The following HMGN3 variants were observed in gnomAD, a reference collection of about 807,000 sequenced individuals.
HMGN3 encodes high mobility group nucleosome-binding domain-containing protein 3.
In HMGN3, 6 loss-of-function variants were observed where a neutral mutation model predicts 18.8. That is an observed-to-expected ratio of 0.32 (90% CI 0.18 to 0.63). The LOEUF is 0.63. Among genes scored for constraint, HMGN3 ranks in the 30% least tolerant of loss-of-function variants. The pLI, the probability that HMGN3 is intolerant of heterozygous loss-of-function variation, is 0.79. For synonymous variants in HMGN3, 40 were observed against 36.5 expected, an observed-to-expected ratio of 1.10 and a Z score of -0.35; for missense variants, 107 against 114.2, an observed-to-expected ratio of 0.94 and a Z score of 0.29.
At chr6:79,201,620 T>C (rs1413098093) in exon 6 of HMGN3, 4 of 1,076,600 alleles carry the variant, frequency 3.7e-6, no homozygotes, top group Non-Finnish European at 5.6e-6. Flanking sequence ...ACAAAATACT[T>C]GGTAAAAATA....
intron 1 of HMGN3, among the ~76,000 whole-genome samples, chr6:79,225,210 T>TTCCA (rs1248977637): frequency 1.1e-4 from 16 of 152,080 alleles, no homozygotes; most frequent in Non-Finnish European, 1.3e-4. Context: ...ATCCCACAGT[T>TTCCA]TCCACCTAAG....
chr6:79,228,429 A>C (rs920189490), intron 1 of HMGN3, among the ~76,000 whole-genome samples: 1 of 152,188 alleles, frequency 6.6e-6, no homozygotes, highest in Non-Finnish European at 1.5e-5. Context: ...TATTTAACTC[A>C]ATCAAATGGA....
chr6:79,215,130 T>C, intron 1 of HMGN3, 108 bp from the exon 2 acceptor site: 1 of 690,336 alleles, frequency 1.4e-6, no homozygotes, highest in East Asian at 2.7e-5. Context: ...CCAACAGATT[T>C]TTTTGCAAAG....
At chr6:79,221,178 T>A (rs940227517) in intron 1 of HMGN3, among the ~76,000 whole-genome samples, 4 of 152,232 alleles carry the variant, frequency 2.6e-5, no homozygotes, top group African/African-American at 7.2e-5. Context: ...CTCACAGCAT[T>A]TTTTCTATTT....
intron 2 of HMGN3, 97 bp downstream of exon 2, chr6:79,214,875 T>G (rs1355133624): frequency 5.4e-6 from 4 of 739,372 alleles, no homozygotes; most frequent in Non-Finnish European, 6.9e-6. Flanking sequence ...ACTTTGTTCA[T>G]ACAATTGTCC....
chr6:79,216,446 A>G (rs1305467355), intron 1 of HMGN3, among the ~76,000 whole-genome samples: 1 of 152,214 alleles, frequency 6.6e-6, no homozygotes, highest in Non-Finnish European at 1.5e-5. Context: ...CTAAGTATAT[A>G]TAAAAGTCTT....
At chr6:79,207,327 A>T (rs561034085) in intron 3 of HMGN3, among the ~76,000 whole-genome samples, 3 of 152,064 alleles carry the variant, frequency 2.0e-5, no homozygotes, top group Non-Finnish European at 4.4e-5. Flanking sequence ...ACCTGGTGGG[A>T]TGTGATTGAA....
At chr6:79,203,481 G>A (rs943795870) in intron 4 of HMGN3, 99 bp downstream of exon 4, 4 of 1,038,758 alleles carry the variant, frequency 3.9e-6, no homozygotes, top group Non-Finnish European at 6.0e-6. Context: ...GTTTCAGTTT[G>A]GATCATTAAA....
intron 2 of HMGN3, among the ~76,000 whole-genome samples, chr6:79,209,851 G>C (rs1359866794): frequency 2.0e-5 from 3 of 152,132 alleles, no homozygotes; most frequent in Admixed American, 1.3e-4. Flanking sequence ...GGAAACGAAG[G>C]GCCAGAGCCT....
chr6:79,203,634 C>G lies in HMGN3; in HGVS notation c.97-4G>C. 1.3e-6 allele frequency: 2 copies of G among 1,584,660 alleles called. No individual in the cohort carries two copies. Among genetic ancestry groups the G allele is most frequent in the Non-Finnish European group, 1.7e-6 (2 of 1,161,492 alleles). ...CAGGTTTTGGTGGAGCAGGTTTCTG[C>G]AAAGATAATTTAAATTACACAAATA... On this transcript the variant is annotated splice_polypyrimidine_tract_variant and splice_region_variant and intron_variant, in intron 3 of 5. Coordinates refer to ENST00000344726, the Ensembl canonical transcript of HMGN3.
At position 79,218,610 on chromosome 6, in the gene HMGN3, T is replaced by C. The variant is rs372972228; in HGVS notation, c.16-3588A>G. ...AAAATACAAATACAAGAAAAGTCTA[T>C]AAAGAAAAGCATAACAAATGATAAC... is the stretch of plus-strand genomic sequence containing the variant. On this transcript the variant is annotated intron_variant, in intron 1 of 5. Coordinates refer to ENST00000344726, the Ensembl canonical transcript of HMGN3. Among the ~76,000 whole-genome samples, 7 of 151,986 alleles carry C rather than the reference T, an allele frequency of 4.6e-5. No homozygotes were observed. In the East Asian group the frequency reaches 7.7e-4, roughly 17 times the overall value.
intron 3 of HMGN3, among the ~76,000 whole-genome samples, chr6:79,204,070 G>T (rs1398549811): frequency 6.6e-6 from 1 of 152,190 alleles, no homozygotes; most frequent in Non-Finnish European, 1.5e-5. Flanking sequence ...TGGTAATGAA[G>T]ACTGCTGCCT....
intron 2 of HMGN3, among the ~76,000 whole-genome samples, chr6:79,212,601 G>A (rs1776753957): frequency 6.6e-6 from 1 of 152,144 alleles, no homozygotes; most frequent in African/African-American, 2.4e-5. Flanking sequence ...ACAAAATAAT[G>A]GATGTAAAAG....
chr6:79,206,582 G>A (rs1776430962), intron 3 of HMGN3, among the ~76,000 whole-genome samples: 1 of 152,246 alleles, frequency 6.6e-6, no homozygotes, highest in South Asian at 2.1e-4. Context: ...GGATGCCCAG[G>A]CAGACGTTGT....
At chr6:79,215,727 A>G (rs1343261950) in intron 1 of HMGN3, among the ~76,000 whole-genome samples, 1 of 152,204 alleles carries the variant, frequency 6.6e-6, no homozygotes, top group Non-Finnish European at 1.5e-5. Context: ...AACATATCTT[A>G]TATTTTCTTT....
At chr6:79,214,326 C>T (rs757241820) in intron 2 of HMGN3, among the ~76,000 whole-genome samples, 4 of 151,774 alleles carry the variant, frequency 2.6e-5, no homozygotes, top group African/African-American at 7.3e-5. Flanking sequence ...CTCAGCCTCC[C>T]GAGTAGCTGG....
intron 1 of HMGN3, 85 bp downstream of exon 1, chr6:79,234,461 G>T: frequency 7.5e-7 from 1 of 1,333,180 alleles, no homozygotes; most frequent in Non-Finnish European, 1.1e-6. Flanking sequence ...ACTACCGCGC[G>T]CGTTCTGCGC....
intron 1 of HMGN3, among the ~76,000 whole-genome samples, chr6:79,228,818 C>T (rs921399962): frequency 6.6e-6 from 1 of 152,234 alleles, no homozygotes; most frequent in African/African-American, 2.4e-5. Context: ...CCTCCTGCCT[C>T]AGCCTCTCAA....
intron 1 of HMGN3, among the ~76,000 whole-genome samples, chr6:79,223,794 C>T (rs1299901058): frequency 1.3e-5 from 2 of 150,328 alleles, no homozygotes; most frequent in African/African-American, 2.5e-5. Context: ...GCAGAAAGCA[C>T]GTGGCTCAAT....
Sources: gnomAD v4.1 joint callset for allele counts (sites outside exome capture counted in the v4.1 genomes callset) on GRCh38, gnomAD v4.1.1 for gene constraint, MANE v1.5 for transcripts, NCBI Gene and HGNC (gene_info 2026-07-23, HGNC 2026-07-21) for gene names.